Variants in MEGF8 observed in about 807,000 individuals in gnomAD.
MEGF8 encodes the protein multiple EGF like domains 8.
In MEGF8, 156 loss-of-function variants were observed where a neutral mutation model predicts 302.9. The observed-to-expected ratio is 0.52, with a 90% CI of 0.45 to 0.59. MEGF8 has a LOEUF of 0.59. MEGF8 is among the 20% of genes least tolerant of loss of function. The probability of loss-of-function intolerance (pLI) is 0.00; values close to 1 mark genes in which losing one functional copy is unlikely to be tolerated. For missense variants in MEGF8, 3,345 were observed against 3,964.5 expected (o/e 0.84, Z 4.20); for synonymous variants, 1,621 against 1,660.5 (o/e 0.98, Z 0.58).
intron 13 of MEGF8, among the ~76,000 whole-genome samples, chr19:42,348,866 G>T (rs750666033): frequency 2.0e-5 from 3 of 152,250 alleles, no homozygotes; most frequent in East Asian, 3.8e-4. Context: ...CTCCCAAAGT[G>T]CTGGGATTAC....
intron 39 of MEGF8, 115 bp downstream of exon 39, chr19:42,370,474 G>A: frequency 9.8e-7 from 1 of 1,023,518 alleles, no homozygotes; most frequent in East Asian, 2.6e-5. Flanking sequence ...AGGAGGGGCT[G>A]GAGGCCTGGA....
rs1468260171 is a variant in MEGF8, at chr19:42,352,906, C to T, written c.3351-22C>T. On this transcript the variant is annotated intron_variant, in intron 19 of 41. Coordinates refer to ENST00000251268, the MANE Select transcript of MEGF8 (RefSeq NM_001271938.2). This position sits in a 1 kb window ranked among gnomAD's most constrained non-coding sequence, Gnocchi z 4.4. ...CTCTGGGCCTGCCTGGCGCTTTCCC[C>T]ACCCCCAACACGGCCCCTCAGGTGC... 4 of 1,557,426 alleles carry T rather than the reference C, an allele frequency of 2.6e-6. No homozygotes were observed. In the South Asian group the frequency reaches 4.7e-5, roughly 18 times the overall value.
At chr19:42,333,931 G>C in intron 2 of MEGF8, 76 bp from the exon 3 acceptor site, 3 of 1,533,050 alleles carry the variant, frequency 2.0e-6, no homozygotes, top group Non-Finnish European at 2.7e-6. Context: ...AGGGTGGAAG[G>C]GGGCAGGAGT....
Position 42,326,377 on chromosome 19 carries a change from C to G in MEGF8, c.134C>G (p.Thr45Arg), listed in dbSNP as rs1394509514. 1 of 1,584,784 alleles carries G rather than the reference C, an allele frequency of 6.3e-7. No homozygotes were observed. The highest frequency in any genetic ancestry group is 1.4e-5 in the African/African-American group (1 of 72,744). Residue 45 changes from threonine (T) to arginine (R), a missense_variant, in exon 1 of 42, where the codon ACG becomes AGG. Physicochemically the swap from Thr to Arg is moderately conservative, Grantham distance 71. Transcript: ENST00000251268. ...QVLREAPGFV[T>R]DGAGNYSVNG... The stretch of plus-strand genomic sequence containing the variant: ...CTGCGGGAGGCGCCAGGCTTCGTGA[C>G]GGATGGTGCGGGCAACTACAGCGTC...
Position 42,370,792 on chromosome 19 carries a change from G to GCCT in MEGF8, c.7098_7100dup (p.Leu2367dup), listed in dbSNP as rs2039675381. 6.8e-7 allele frequency: 1 copy of GCCT among 1,465,004 alleles called. No homozygotes were observed. The highest frequency in any genetic ancestry group is 9.3e-7 in the Non-Finnish European group (1 of 1,071,392). 90.8% of individuals were successfully genotyped at this position (1,465,004 alleles called of 1,614,324 possible). On this transcript the variant is annotated inframe_insertion, in exon 40 of 42. Transcript: ENST00000251268. ...AGCTATGGGGAGAAATGCGAGAGCT[G>GCCT]CCTGCAGGGCTACTTCCTCCTGGAC...
At position 42,349,697 on chromosome 19, in the gene MEGF8, A is replaced by C; in HGVS notation, c.2497A>C (p.Ser833Arg). The change falls in exon 14 of 42, where the codon AGC (serine) becomes CGC (arginine). Residue 833 changes from serine (S) to arginine (R), a missense_variant and splice_region_variant. Ser to Arg is a moderately radical substitution (Grantham distance 110, BLOSUM62 -1). Coordinates refer to ENST00000251268, the MANE Select transcript of MEGF8 (RefSeq NM_001271938.2). ...GGATCGGACTGGTGTGCCAGGAGGCAGCGTGAGTACCCAGGACCTACCTCC... is the reference window on the plus strand; with the variant it reads ...GGATCGGACTGGTGTGCCAGGAGGCCGCGTGAGTACCCAGGACCTACCTCC... ...LWDRTGVPGG[S>R]EISFFFLEPY... The C allele has an allele frequency of 1.9e-6, 3 of 1,611,518 alleles. No homozygotes were observed. Among genetic ancestry groups the C allele is most frequent in the Non-Finnish European group, 2.5e-6 (3 of 1,179,642 alleles).
chr19:42,356,661 G>A lies in MEGF8; in HGVS notation c.4623-113G>A. On this transcript the variant is annotated intron_variant, in intron 26 of 41. Coordinates refer to ENST00000251268, the MANE Select transcript of MEGF8 (RefSeq NM_001271938.2). The surrounding 1 kb of genome is among the most constrained non-coding windows in gnomAD (Gnocchi z 5.2). ...GTGCTACTCCAGGGAATGGCAAGAGGACTGTCATAGGAAGGTCACCCCAGG... is the reference window on the plus strand; with the variant it reads ...GTGCTACTCCAGGGAATGGCAAGAGAACTGTCATAGGAAGGTCACCCCAGG... 1.7e-6 allele frequency: 2 copies of A among 1,147,628 alleles called. 1 individual carries two copies. Among genetic ancestry groups the A allele is most frequent in the Non-Finnish European group, 2.4e-6 (2 of 823,252 alleles). 71.1% of individuals were successfully genotyped at this position (1,147,628 alleles called of 1,614,324 possible).
In MEGF8 at chr19:42,330,484, C is replaced by A. The variant is rs138994303; in HGVS notation, c.188-3121C>A. ...ATTCTGGGAGGTCTGGTTGTGTGGC[C>A]GTGCTGAATGGTTCTTCTGCATTCC... On this transcript the variant is annotated intron_variant, in intron 1 of 41. Transcript: ENST00000251268. Among the ~76,000 whole-genome samples the A allele has an allele frequency of 2.9e-4, 44 of 152,272 alleles. 1 individual carries two copies. The East Asian group carries it at 7.3e-3, about 25-fold the overall frequency.
rs1209187631 is a variant in MEGF8, at chr19:42,375,711, A to C, written c.7474A>C (p.Thr2492Pro). 6.2e-7 allele frequency: 1 copy of C among 1,611,504 alleles called. No individual in the cohort carries two copies. The highest frequency in any genetic ancestry group is 1.3e-5 in the African/African-American group (1 of 74,840). Residue 2492 changes from threonine to proline, a missense_variant, in exon 42 of 42, where the codon ACG becomes CCG. Transcript: ENST00000251268. This position sits in a 1 kb window ranked among gnomAD's most constrained non-coding sequence, Gnocchi z 7.1. ...PKFTNVDIRLTLDVTFGAVDL... is the reference protein window; with the variant it reads ...PKFTNVDIRLPLDVTFGAVDL... ...ATTCACCAACGTGGACATCCGCCTG[A>C]CGCTGGACGTGACCTTCGGGGCCGT...
At position 42,357,032 on chromosome 19, in the gene MEGF8, A is replaced by G; in HGVS notation, c.4830+51A>G. The G allele has an allele frequency of 1.3e-6, 2 of 1,499,720 alleles. No homozygotes were observed. The highest frequency in any genetic ancestry group is 1.8e-6 in the Non-Finnish European group (2 of 1,114,476). 92.9% of individuals were successfully genotyped at this position (1,499,720 alleles called of 1,614,324 possible). A position where few individuals can be genotyped will look rare whatever the true frequency, so the allele number is the denominator to read the frequency against. On this transcript the variant is annotated intron_variant, in intron 27 of 41. Transcript: ENST00000251268. The surrounding 1 kb of genome is among the most constrained non-coding windows in gnomAD (Gnocchi z 5.2). ...CCCAGCCCTCACACTGGGCCCTGACAGAGACAGCTGTGGTAGCTCCTGCCA... is the reference window on the plus strand; with the variant it reads ...CCCAGCCCTCACACTGGGCCCTGACGGAGACAGCTGTGGTAGCTCCTGCCA...
intron 35 of MEGF8, among the ~76,000 whole-genome samples, chr19:42,365,939 A>G (rs959375366): frequency 1.3e-5 from 2 of 151,784 alleles, no homozygotes; most frequent in Admixed American, 6.6e-5. Flanking sequence ...AAAATTAACC[A>G]GGCATGGTGG....
chr19:42,336,909 C>T lies in MEGF8; in HGVS notation c.1347C>T (p.Ala449=), dbSNP rs1290887175. ...RDGLQGPRER[A]FHTASVLGNY... is the part of the protein sequence containing the mutation. ...GGCTTCAGGGCCCAAGGGAGCGAGC[C>T]TTCCACACAGCCAGTGTTCTGGGCA... The change falls in exon 7 of 42, where the codon GCC becomes GCT. Residue 449 remains alanine (A), a synonymous_variant. Coordinates refer to ENST00000251268, the MANE Select transcript of MEGF8 (RefSeq NM_001271938.2). The surrounding 1 kb of genome is among the most constrained non-coding windows in gnomAD (Gnocchi z 4.8). 6.2e-7 allele frequency: 1 copy of T among 1,613,714 alleles called. No homozygotes were observed. Among genetic ancestry groups the T allele is most frequent in the African/African-American group, 1.3e-5 (1 of 74,942 alleles).
chr19:42,356,466 C>G lies in MEGF8; in HGVS notation c.4622+13C>G. The G allele has an allele frequency of 1.3e-6, 2 of 1,568,370 alleles. No homozygotes were observed. The highest frequency in any genetic ancestry group is 1.7e-6 in the Non-Finnish European group (2 of 1,157,518). On this transcript the variant is annotated intron_variant, in intron 26 of 41. Coordinates refer to ENST00000251268, the MANE Select transcript of MEGF8 (RefSeq NM_001271938.2). The surrounding 1 kb of genome is among the most constrained non-coding windows in gnomAD (Gnocchi z 5.2). ...GAAACCTGTACAGGTGAGGACTGCCCTGGGCAGGTGGGATTCGCAAATAAG... is the reference window on the plus strand; with the variant it reads ...GAAACCTGTACAGGTGAGGACTGCCGTGGGCAGGTGGGATTCGCAAATAAG...
chr19:42,333,553 T>C, intron 1 of MEGF8, 52 bp from the exon 2 acceptor site: 3 of 1,557,162 alleles, frequency 1.9e-6, no homozygotes, highest in Non-Finnish European at 2.6e-6. Flanking sequence ...TGCAGGGAGG[T>C]GTGGGGAGAA....
intron 5 of MEGF8, 75 bp downstream of exon 5, chr19:42,335,460 C>T: frequency 1.5e-6 from 2 of 1,343,436 alleles, no homozygotes; most frequent in Non-Finnish European, 1.1e-6. Context: ...GGAATGATCC[C>T]CTATCACCTA....
chr19:42,378,140 T>G lies in MEGF8; in HGVS notation c.*1365T>G, dbSNP rs751715293. 6.6e-6 allele frequency: 1 copy of G among 152,072 alleles called. No individual in the cohort carries two copies. Among genetic ancestry groups the G allele is most frequent in the Non-Finnish European group, 1.5e-5 (1 of 68,038 alleles). 9.4% of individuals were successfully genotyped at this position (152,072 alleles called of 1,614,324 possible). On this transcript the variant is annotated 3_prime_UTR_variant, in exon 42 of 42. Transcript: ENST00000251268. ...GGTCCAACTAGGGATACAGAAACAC[T>G]GAATATTTCAACAGCAGAAATTGAA...
rs745598545 is a variant in MEGF8, at chr19:42,375,712, C to T, written c.7475C>T (p.Thr2492Met). Residue 2492 changes from threonine to methionine, a missense_variant, in exon 42 of 42, where the codon ACG becomes ATG. Transcript: ENST00000251268. This position sits in a 1 kb window ranked among gnomAD's most constrained non-coding sequence, Gnocchi z 7.1. ...PKFTNVDIRLTLDVTFGAVDL... is the reference protein window; with the variant it reads ...PKFTNVDIRLMLDVTFGAVDL... ...TTCACCAACGTGGACATCCGCCTGA[C>T]GCTGGACGTGACCTTCGGGGCCGTG... 74 of 1,611,472 alleles carry T rather than the reference C, an allele frequency of 4.6e-5. No individual in the cohort carries two copies. Among genetic ancestry groups the T allele is most frequent in the South Asian group, 6.6e-5 (6 of 90,560 alleles).
chr19:42,368,352 C>A lies in MEGF8; in HGVS notation c.6274-103C>A. ...ACCTGTGGCCAGGGAGGGGTGAGAC[C>A]TCAAAGAGGGTGTGGTCTGGGAAGA... is the stretch of plus-strand genomic sequence containing the variant. On this transcript the variant is annotated intron_variant, in intron 35 of 41. Transcript: ENST00000251268. The surrounding 1 kb of genome is among the most constrained non-coding windows in gnomAD (Gnocchi z 4.9). The A allele has an allele frequency of 9.3e-7, 1 of 1,073,456 alleles. No homozygotes were observed. The highest frequency in any genetic ancestry group is 1.3e-6 in the Non-Finnish European group (1 of 754,612). 66.5% of individuals were successfully genotyped at this position (1,073,456 alleles called of 1,614,324 possible). A position where few individuals can be genotyped will look rare whatever the true frequency, so the allele number is the denominator to read the frequency against.
At position 42,343,642 on chromosome 19, in the gene MEGF8, G is replaced by C; in HGVS notation, c.1668+11G>C. On this transcript the variant is annotated intron_variant, in intron 9 of 41. Transcript: ENST00000251268. ...GCACCTGCCCCTGACGTGAGCACTGGGGTGACAGGGAAAGGGTGGCTGGGG... is the reference window on the plus strand; with the variant it reads ...GCACCTGCCCCTGACGTGAGCACTGCGGTGACAGGGAAAGGGTGGCTGGGG... 2 of 1,592,936 alleles carry C rather than the reference G, an allele frequency of 1.3e-6. No homozygotes were observed. The highest frequency in any genetic ancestry group is 1.8e-4 in the Middle Eastern group (1 of 5,538).
Sources: gnomAD v4.1 joint callset for allele counts (sites outside exome capture counted in the v4.1 genomes callset) on GRCh38, gnomAD v4.1.1 for gene constraint, Gnocchi (gnomAD v3.1) non-coding constraint, MANE v1.5 for transcripts, NCBI Gene and HGNC (gene_info 2026-07-23, HGNC 2026-07-21) for gene names.